The following SYNPR variants were observed in gnomAD, a reference collection of about 807,000 sequenced individuals.
SYNPR encodes the protein synaptoporin.
Under a neutral mutation model 32.9 loss-of-function variants are expected in SYNPR, and 23 were observed. The ratio of observed to expected loss-of-function variants is 0.70; its 90% CI spans 0.50 to 0.99. The LOEUF (loss-of-function observed/expected upper bound fraction) is 0.99. Ranked by LOEUF, SYNPR falls within the 50% of genes least tolerant of loss-of-function variation. The probability of loss-of-function intolerance (pLI) is 0.00; values close to 1 mark genes in which losing one functional copy is unlikely to be tolerated. For missense variants in SYNPR, 318 were observed against 349.3 expected, an observed-to-expected ratio of 0.91 and a Z score of 0.71; for synonymous variants, 146 against 135.9, an observed-to-expected ratio of 1.07 and a Z score of -0.52.
chr3:63,499,896 A>G (rs1210842167), intron 3 of SYNPR, among the ~76,000 whole-genome samples: 2 of 142,650 alleles, frequency 1.4e-5, no homozygotes, highest in Non-Finnish European at 3.0e-5. Context: ...AGTGAAGAAG[A>G]AAAGATAATC....
intron 2 of SYNPR, among the ~76,000 whole-genome samples, chr3:63,287,561 T>C (rs772547670): frequency 6.6e-6 from 1 of 152,100 alleles, no homozygotes; most frequent in East Asian, 1.9e-4. Flanking sequence ...ACACAGTGCT[T>C]AACACACAGT....
chr3:63,537,080 A>T (rs189079436), intron 3 of SYNPR, among the ~76,000 whole-genome samples: 1 of 152,208 alleles, frequency 6.6e-6, no homozygotes, highest in Admixed American at 6.5e-5. Context: ...TGAATATATG[A>T]TAGCTTACTG....
chr3:63,375,711 A>C (rs1239080600), intron 2 of SYNPR, among the ~76,000 whole-genome samples: 1 of 151,058 alleles, frequency 6.6e-6, no homozygotes, highest in African/African-American at 2.5e-5. Context: ...CTAGAACTTA[A>C]AGTATAATAA....
At chr3:63,270,249 C>A (rs559113855) in intron 3 of SYNPR, among the ~76,000 whole-genome samples, 44 of 152,264 alleles carry the variant, frequency 2.9e-4, no homozygotes, top group African/African-American at 1.0e-3. Flanking sequence ...TATGGACCAC[C>A]AGACATGACT....
At chr3:63,459,541 A>T (rs144543346) in intron 2 of SYNPR, among the ~76,000 whole-genome samples, 12 of 152,180 alleles carry the variant, frequency 7.9e-5, no homozygotes, top group Non-Finnish European at 1.5e-4. Context: ...CCTCCTTGAG[A>T]ATAAACACAT....
chr3:63,573,776 G>GGATGTGTGAAAGT (rs1702932182), intron 4 of SYNPR, among the ~76,000 whole-genome samples: 1 of 152,170 alleles, frequency 6.6e-6, no homozygotes, highest in Non-Finnish European at 1.5e-5. Flanking sequence ...TGTGTGAAAG[G>GGATGTGTGAAAGT]AATGTGTGGG....
intron 1 of SYNPR, among the ~76,000 whole-genome samples, chr3:63,244,474 C>T (rs1042541012): frequency 2.0e-5 from 3 of 152,066 alleles, no homozygotes; most frequent in African/African-American, 7.2e-5. Flanking sequence ...GCTGTAATGG[C>T]TTTTAGTCTA....
At chr3:63,373,278 A>G (rs937716112) in intron 2 of SYNPR, among the ~76,000 whole-genome samples, 2 of 152,198 alleles carry the variant, frequency 1.3e-5, no homozygotes, top group Admixed American at 6.5e-5. Flanking sequence ...AGGAATAAAG[A>G]TTATTGATAT....
At chr3:63,243,308 T>A (rs79976378) in intron 1 of SYNPR, among the ~76,000 whole-genome samples, 1 of 145,322 alleles carries the variant, frequency 6.9e-6, no homozygotes, top group African/African-American at 2.5e-5. Flanking sequence ...AGGTAAAAAA[T>A]TTTAAGGCTA....
intron 4 of SYNPR, among the ~76,000 whole-genome samples, chr3:63,575,513 T>G (rs1329515875): frequency 6.6e-6 from 1 of 152,194 alleles, no homozygotes; most frequent in Non-Finnish European, 1.5e-5. Context: ...TTTTCCCAGA[T>G]ACGCTTCTCA....
chr3:63,392,457 T>C (rs1326144846), intron 2 of SYNPR, among the ~76,000 whole-genome samples: 3 of 152,206 alleles, frequency 2.0e-5, no homozygotes, highest in Non-Finnish European at 4.4e-5. Context: ...CATTTTTTTA[T>C]GGAATTTTGT....
intron 2 of SYNPR, among the ~76,000 whole-genome samples, chr3:63,446,302 C>A (rs1392964953): frequency 7.4e-6 from 1 of 136,054 alleles, no homozygotes; most frequent in Non-Finnish European, 1.6e-5. Flanking sequence ...TTTTTAATTT[C>A]TATTCTTTGG....
intron 2 of SYNPR, among the ~76,000 whole-genome samples, chr3:63,434,662 C>G (rs1340732781): frequency 6.6e-6 from 1 of 152,136 alleles, no homozygotes; most frequent in Non-Finnish European, 1.5e-5. Flanking sequence ...AGTCTTAATC[C>G]TTAATCATAG....
chr3:63,604,181 T>C (rs545550621), intron 4 of SYNPR, among the ~76,000 whole-genome samples: 4 of 152,134 alleles, frequency 2.6e-5, no homozygotes, highest in Non-Finnish European at 5.9e-5. Context: ...CTTTGTGGAG[T>C]CAGTGGTAAT....
chr3:63,518,208 G>C (rs115811955), intron 3 of SYNPR, among the ~76,000 whole-genome samples: 5,976 of 152,224 alleles, frequency 0.039, 177 homozygotes, highest in Non-Finnish European at 0.056. Flanking sequence ...AGAAGAGGCA[G>C]AGGGGGAGGG....
At chr3:63,305,182 A>T (rs918766568) in intron 2 of SYNPR, among the ~76,000 whole-genome samples, 2 of 152,010 alleles carry the variant, frequency 1.3e-5, no homozygotes, top group Non-Finnish European at 2.9e-5. Flanking sequence ...GAATGAGCCT[A>T]TGTACAATCT....
chr3:63,581,334 G>A (rs1287388637), intron 4 of SYNPR, among the ~76,000 whole-genome samples: 5 of 120,918 alleles, frequency 4.1e-5, no homozygotes, highest in African/African-American at 1.4e-4. Flanking sequence ...GACAGGGGTA[G>A]GTGGTTGTAG....
intron 1 of SYNPR, among the ~76,000 whole-genome samples, chr3:63,240,873 C>T (rs911873674): frequency 2.0e-5 from 3 of 152,080 alleles, no homozygotes; most frequent in African/African-American, 7.2e-5. Context: ...CAGCTAATTG[C>T]CCTGTGGTAG....
At chr3:63,264,571 T>G (rs147407779) in intron 2 of SYNPR, among the ~76,000 whole-genome samples, 1 of 152,308 alleles carries the variant, frequency 6.6e-6, no homozygotes, top group East Asian at 1.9e-4. Flanking sequence ...TCTCCAGAAC[T>G]AAATGTTCAA....
Sources: gnomAD v4.1 joint callset for allele counts (sites outside exome capture counted in the v4.1 genomes callset) on GRCh38, gnomAD v4.1.1 for gene constraint, MANE v1.5 for transcripts, NCBI Gene and HGNC (gene_info 2026-07-23, HGNC 2026-07-21) for gene names.